The following GPSM1 variants were observed in gnomAD, a reference collection of about 807,000 sequenced individuals.
GPSM1 encodes the protein G protein-signaling modulator 1.
GPSM1 carries 48 observed loss-of-function variants against 70.5 expected under a neutral mutation model. That is an observed-to-expected ratio of 0.68 (90% CI 0.54 to 0.87). The LOEUF (loss-of-function observed/expected upper bound fraction) is 0.87, where lower values mean the gene tolerates loss of function less well. Among genes scored for constraint, GPSM1 ranks in the 40% least tolerant of loss-of-function variants. The pLI, the probability that GPSM1 is intolerant of heterozygous loss-of-function variation, is 0.00. For missense variants in GPSM1, 981 were observed against 972.6 expected, an observed-to-expected ratio of 1.01 and a Z score of -0.11; for synonymous variants, 416 against 430.1, an observed-to-expected ratio of 0.97 and a Z score of 0.41.
intron 9 of GPSM1, among the ~76,000 whole-genome samples, chr9:136,344,428 G>A (rs781827810): frequency 1.1e-4 from 16 of 152,194 alleles, no homozygotes; most frequent in South Asian, 2.1e-4. Context: ...CTGTGTGCTC[G>A]GGTGCTGGCG....
chr9:136,345,085 C>T (rs1832488844), intron 9 of GPSM1, among the ~76,000 whole-genome samples: 1 of 152,152 alleles, frequency 6.6e-6, no homozygotes, highest in Non-Finnish European at 1.5e-5. Flanking sequence ...CGTGAAGGAA[C>T]CGTGGGCAGC....
At chr9:136,351,847 C>T (rs1252039607) in intron 11 of GPSM1, among the ~76,000 whole-genome samples, 3 of 152,236 alleles carry the variant, frequency 2.0e-5, no homozygotes, top group African/African-American at 4.8e-5. Context: ...CTGGCCTTAC[C>T]GAGGTCAGAA....
In GPSM1 at chr9:136,349,578, C is replaced by T; in HGVS notation, c.1279-9C>T. On this transcript the variant is annotated splice_polypyrimidine_tract_variant and intron_variant, in intron 10 of 13. Coordinates refer to ENST00000440944, the MANE Select transcript of GPSM1 (RefSeq NM_001145638.3). ...TGCCCAGGCCACGCACAGCCTTACC[C>T]CTCCCCAGGAGCAGAATGGAGACAG... 6.5e-7 allele frequency: 1 copy of T among 1,549,456 alleles called. No homozygotes were observed. The highest frequency in any genetic ancestry group is 8.7e-7 in the Non-Finnish European group (1 of 1,146,296).
chr9:136,336,718 G>A (rs1554769289), intron 3 of GPSM1, among the ~76,000 whole-genome samples: 3 of 152,194 alleles, frequency 2.0e-5, no homozygotes, highest in African/African-American at 7.2e-5. Context: ...AGAGGAGGGA[G>A]GGATGGTGAG....
rs112913364 is a variant in GPSM1, at chr9:136,358,190, C to T, written c.1998C>T (p.Pro666=). The T allele has an allele frequency of 1.3e-6, 2 of 1,564,538 alleles. No homozygotes were observed. The highest frequency in any genetic ancestry group is 1.2e-5 in the South Asian group (1 of 86,734). Residue 666 remains proline, a synonymous_variant, in exon 14 of 14, where the codon CCC becomes CCT. Transcript: ENST00000440944. ...PEQGAGGPPE[P]QQQCQPGAS ...AGGGGGCAGGCGGCCCGCCCGAGCCCCAGCAGCAGTGCCAGCCTGGTGCGA... is the reference window on the plus strand; with the variant it reads ...AGGGGGCAGGCGGCCCGCCCGAGCCTCAGCAGCAGTGCCAGCCTGGTGCGA...
intron 13 of GPSM1, among the ~76,000 whole-genome samples, chr9:136,357,096 C>T (rs1309693932): frequency 1.3e-5 from 2 of 152,210 alleles, no homozygotes; most frequent in African/African-American, 4.8e-5. Flanking sequence ...CCAGGAATGA[C>T]CTCCTCATCT....
At chr9:136,338,123 A>G (rs1461467556) in intron 6 of GPSM1, among the ~76,000 whole-genome samples, 162 bp downstream of exon 6, 1 of 152,160 alleles carries the variant, frequency 6.6e-6, no homozygotes, top group Non-Finnish European at 1.5e-5. Context: ...AGACGGACAA[A>G]GCTCATGGGG....
Position 136,343,415 on chromosome 9 carries a change from C to T in GPSM1, c.1207+2422C>T, listed in dbSNP as rs1209282450. Among the ~76,000 whole-genome samples the T allele has an allele frequency of 6.6e-6, 1 of 152,250 alleles. No homozygotes were observed. The highest frequency in any genetic ancestry group is 2.4e-5 in the African/African-American group (1 of 41,468). Reference sequence around the variant, plus strand: ...CCTGTCCCCGATGGCCCTGCCTGTCCCACAGGATGTGCGACTGCCCTCGGC... The same window carrying T: ...CCTGTCCCCGATGGCCCTGCCTGTCTCACAGGATGTGCGACTGCCCTCGGC... On this transcript the variant is annotated intron_variant, in intron 9 of 13. Coordinates refer to ENST00000440944, the MANE Select transcript of GPSM1 (RefSeq NM_001145638.3). This position sits in a 1 kb window ranked among gnomAD's most constrained non-coding sequence, Gnocchi z 6.0.
intron 11 of GPSM1, among the ~76,000 whole-genome samples, chr9:136,350,300 C>T (rs1414572679): frequency 2.0e-5 from 3 of 152,250 alleles, no homozygotes; most frequent in Non-Finnish European, 4.4e-5. Flanking sequence ...GAGGTCAAGC[C>T]TGTGTATCCT....
In GPSM1 at chr9:136,342,389, C is replaced by G. The variant is rs933602843; in HGVS notation, c.1207+1396C>G. On this transcript the variant is annotated intron_variant, in intron 9 of 13. Transcript: ENST00000440944. The surrounding 1 kb of genome is among the most constrained non-coding windows in gnomAD (Gnocchi z 5.5). ...TCTTGGAGCCAAGGAAAAGGGGGGCCGGAGTGGGAGGACGCTGGAACAATG... is the reference window on the plus strand; with the variant it reads ...TCTTGGAGCCAAGGAAAAGGGGGGCGGGAGTGGGAGGACGCTGGAACAATG... Among the ~76,000 whole-genome samples the G allele has an allele frequency of 6.6e-6, 1 of 152,184 alleles. No homozygotes were observed. Among genetic ancestry groups the G allele is most frequent in the Non-Finnish European group, 1.5e-5 (1 of 68,018 alleles).
chr9:136,358,399 C>A lies in GPSM1; in HGVS notation c.*179C>A. Reference sequence around the variant, plus strand: ...CTGCCCGTGGTGGGAGGGCGTGCTTCCATCCCGGGCTGGCCCCCATGGCCC... The same window carrying A: ...CTGCCCGTGGTGGGAGGGCGTGCTTACATCCCGGGCTGGCCCCCATGGCCC... On this transcript the variant is annotated 3_prime_UTR_variant, in exon 14 of 14. Transcript: ENST00000440944. 1.6e-6 allele frequency: 1 copy of A among 624,498 alleles called. No homozygotes were observed. The highest frequency in any genetic ancestry group is 2.7e-6 in the Non-Finnish European group (1 of 367,492). The allele number at this position is 624,498 out of a possible 1,614,324, so 38.7% of individuals were successfully genotyped here.
At position 136,353,060 on chromosome 9, in the gene GPSM1, G is replaced by A. The variant is rs1205913527; in HGVS notation, c.1456-2630G>A. On this transcript the variant is annotated intron_variant, in intron 11 of 13. Transcript: ENST00000440944. ...CAGCACTTGGCACTTTGGGCAGGGCGGTGGTGGCCCTGGGCACCTTGTGTC... is the reference window on the plus strand; with the variant it reads ...CAGCACTTGGCACTTTGGGCAGGGCAGTGGTGGCCCTGGGCACCTTGTGTC... 8.1e-6 allele frequency: 8 copies of A among 983,724 alleles called. No individual in the cohort carries two copies. In the African/African-American group the frequency reaches 8.7e-5, roughly 11 times the overall value. The allele number at this position is 983,724 out of a possible 1,614,324, so 60.9% of individuals were successfully genotyped here.
In GPSM1 at chr9:136,353,223, G is replaced by A. The variant is rs934368531; in HGVS notation, c.1456-2467G>A. Reference sequence around the variant, plus strand: ...GGAGCACACGGGCCTCTGTGAAGCCGGGTGGGGTGGTCTTGGGCCGGGTGC... The same window carrying A: ...GGAGCACACGGGCCTCTGTGAAGCCAGGTGGGGTGGTCTTGGGCCGGGTGC... On this transcript the variant is annotated intron_variant, in intron 11 of 13. Transcript: ENST00000440944. 32 of 506,218 alleles carry A rather than the reference G, an allele frequency of 6.3e-5. No individual in the cohort carries two copies. The Admixed American group carries it at 6.4e-4, about 10-fold the overall frequency. 31.4% of individuals were successfully genotyped at this position (506,218 alleles called of 1,614,324 possible). A position where few individuals can be genotyped will look rare whatever the true frequency, so the allele number is the denominator to read the frequency against.
chr9:136,358,157 C>A lies in GPSM1; in HGVS notation c.1965C>A (p.Gly655=). 1 of 1,598,650 alleles carries A rather than the reference C, an allele frequency of 6.3e-7. No individual in the cohort carries two copies. Among genetic ancestry groups the A allele is most frequent in the Non-Finnish European group, 8.5e-7 (1 of 1,173,728 alleles). The change falls in exon 14 of 14, where the codon GGC becomes GGA. Residue 655 remains glycine (G), a synonymous_variant. Transcript: ENST00000440944. ...MDEQRVDLAG[G]PEQGAGGPPE... ...AGCAGCGGGTGGACCTCGCCGGGGG[C>A]CCGGAGCAGGGGGCAGGCGGCCCGC...
intron 6 of GPSM1, 105 bp from the exon 7 acceptor site, chr9:136,338,450 G>A (rs1832303757): frequency 2.7e-6 from 3 of 1,104,110 alleles, no homozygotes; most frequent in Non-Finnish European, 3.9e-6. Context: ...GCCCCAGTGG[G>A]ATTCCGGGGC....
At position 136,358,007 on chromosome 9, in the gene GPSM1, C is replaced by T. The variant is rs1832884732; in HGVS notation, c.1822-7C>T. The T allele has an allele frequency of 1.2e-6, 2 of 1,610,408 alleles. No homozygotes were observed. The highest frequency in any genetic ancestry group is 1.7e-4 in the Middle Eastern group (1 of 6,060). ...GTGAGGCCGCCAACTGCACTGTGTC[C>T]ACCCAGTCCTCCAGGATCGATGACC... On this transcript the variant is annotated splice_polypyrimidine_tract_variant and splice_region_variant and intron_variant, in intron 13 of 13. Transcript: ENST00000440944.
In GPSM1 at chr9:136,354,694, T is replaced by TG. The variant is rs146403317; in HGVS notation, c.1456-990dup. On this transcript the variant is annotated intron_variant, in intron 11 of 13. Transcript: ENST00000440944. ...GTGGACCTGCTTCAGCTGGGCCCCT[T>TG]GGGGGGCCACAGGAGACCACGCCCT... 4.9e-4 allele frequency: 204 copies of TG among 413,636 alleles called. 1 individual carries two copies. The highest frequency in any genetic ancestry group is 3.8e-3 in the African/African-American group (178 of 46,352). The allele number at this position is 413,636 out of a possible 1,614,324, so 25.6% of individuals were successfully genotyped here.
At chr9:136,333,487 G>A (rs889497103) in intron 1 of GPSM1, among the ~76,000 whole-genome samples, 11 of 151,900 alleles carry the variant, frequency 7.2e-5, no homozygotes, top group South Asian at 2.1e-4. Flanking sequence ...GGGGTCCCTC[G>A]GTGAGCAGGG....
At chr9:136,346,107 C>T (rs1211967913) in intron 9 of GPSM1, among the ~76,000 whole-genome samples, 2 of 152,228 alleles carry the variant, frequency 1.3e-5, no homozygotes, top group African/African-American at 4.8e-5. Context: ...CCTGCTCAGG[C>T]CCCTGATGGG....
Sources: gnomAD v4.1 joint callset for allele counts (sites outside exome capture counted in the v4.1 genomes callset) on GRCh38, gnomAD v4.1.1 for gene constraint, Gnocchi (gnomAD v3.1) non-coding constraint, MANE v1.5 for transcripts, NCBI Gene and HGNC (gene_info 2026-07-23, HGNC 2026-07-21) for gene names.